Variants in VMP1 observed in about 807,000 individuals in gnomAD.
VMP1 encodes the protein ectopic P-granules autophagy protein 3 homolog.
In VMP1, 11 loss-of-function variants were observed where a neutral mutation model predicts 56.0. The observed-to-expected ratio is 0.20, with a 90% CI of 0.12 to 0.32. The LOEUF is 0.32. Ranked by LOEUF, VMP1 falls within the 10% of genes least tolerant of loss-of-function variation. The pLI, the probability that VMP1 is intolerant of heterozygous loss-of-function variation, is 1.00. For synonymous variants in VMP1, 149 were observed against 165.0 expected (o/e 0.90, Z 0.74); for missense variants, 296 against 490.3 (o/e 0.60, Z 3.74).
intron 5 of VMP1, among the ~76,000 whole-genome samples, chr17:59,744,629 G>GAAA (rs767347544): frequency 1.3e-5 from 1 of 75,564 alleles, no homozygotes; most frequent in Non-Finnish European, 2.8e-5. Context: ...ATCTCTACCA[G>GAAA]AAAAAAAAAA....
At chr17:59,724,847 T>G (rs1429985648) in intron 1 of VMP1, among the ~76,000 whole-genome samples, 1 of 151,842 alleles carries the variant, frequency 6.6e-6, no homozygotes, top group Non-Finnish European at 1.5e-5. Flanking sequence ...GCGCCTGTAG[T>G]CCCAGCTACT....
At chr17:59,794,376 C>A (rs111848007) in intron 7 of VMP1, among the ~76,000 whole-genome samples, 1 of 150,532 alleles carries the variant, frequency 6.6e-6, no homozygotes, top group Non-Finnish European at 1.5e-5. Flanking sequence ...CACGCCACCA[C>A]GCCTGGCTAA....
chr17:59,820,611 C>T (rs2038406463), intron 10 of VMP1, among the ~76,000 whole-genome samples: 1 of 152,194 alleles, frequency 6.6e-6, no homozygotes, highest in Non-Finnish European at 1.5e-5. Context: ...GCAACGTATA[C>T]TACATGCACT....
intron 5 of VMP1, among the ~76,000 whole-genome samples, chr17:59,753,674 C>G (rs2035737101): frequency 6.6e-6 from 1 of 151,936 alleles, no homozygotes; most frequent in Admixed American, 6.5e-5. Context: ...AGCCCCATAT[C>G]CCTTTCAGTT....
At chr17:59,778,558 A>T (rs2036710537) in intron 7 of VMP1, among the ~76,000 whole-genome samples, 1 of 151,414 alleles carries the variant, frequency 6.6e-6, no homozygotes, top group South Asian at 2.1e-4. Context: ...AAAAAAAAAG[A>T]ATAAGGCACT....
chr17:59,756,854 GTC>G (rs1401304978), intron 5 of VMP1, among the ~76,000 whole-genome samples: 1 of 152,110 alleles, frequency 6.6e-6, no homozygotes, highest in East Asian at 1.9e-4. Flanking sequence ...ACAGTATTCT[GTC>G]TCTGGTCTTT....
chr17:59,811,518 C>A, intron 8 of VMP1, 152 bp from the exon 9 acceptor site: 2 of 617,232 alleles, frequency 3.2e-6, no homozygotes, highest in Non-Finnish European at 5.7e-6. Flanking sequence ...GTTTGCCTAA[C>A]CTCCTTTTGA....
intron 9 of VMP1, among the ~76,000 whole-genome samples, chr17:59,813,598 A>G (rs548792250): frequency 3.1e-4 from 47 of 152,076 alleles, no homozygotes; most frequent in Non-Finnish European, 5.6e-4. Flanking sequence ...ATTTAATACC[A>G]TACAGGATTT....
chr17:59,753,362 A>G (rs1210731712), intron 5 of VMP1, among the ~76,000 whole-genome samples: 1 of 152,236 alleles, frequency 6.6e-6, no homozygotes, highest in African/African-American at 2.4e-5. Context: ...TCCCACTAAT[A>G]GAAATATGAT....
intron 7 of VMP1, among the ~76,000 whole-genome samples, chr17:59,791,728 T>C (rs1459745871): frequency 1.3e-5 from 2 of 151,824 alleles, no homozygotes; most frequent in African/African-American, 4.8e-5. Context: ...CCTCCCAAAA[T>C]GCTGGGATTA....
rs1349007653 is a variant in VMP1 at position 59,806,786 on chromosome 17, AAATTAAT to A, written c.715-2004_715-1998del. 3.3e-5 allele frequency among the ~76,000 whole-genome samples: 5 copies of A among 152,228 alleles called. No individual in the cohort carries two copies. The East Asian group carries it at 9.6e-4, about 29-fold the overall frequency. Reference sequence around the variant, plus strand: ...AAAGTAAGTCTAATCCCAAAAAGAAAAATTAATAATTATCTCTTTGGAAATAAATTAT... The same window carrying A: ...AAAGTAAGTCTAATCCCAAAAAGAAAAATTATCTCTTTGGAAATAAATTAT... On this transcript the variant is annotated intron_variant, in intron 7 of 11. Transcript: ENST00000262291.
At chr17:59,796,711 C>CT (rs1238343695) in intron 7 of VMP1, among the ~76,000 whole-genome samples, 1 of 152,164 alleles carries the variant, frequency 6.6e-6, no homozygotes, top group Non-Finnish European at 1.5e-5. Context: ...CGTTTTCTTG[C>CT]TTTAACTTAC....
intron 2 of VMP1, among the ~76,000 whole-genome samples, chr17:59,732,330 C>T (rs1200517655): frequency 6.6e-6 from 1 of 152,170 alleles, no homozygotes; most frequent in Non-Finnish European, 1.5e-5. Context: ...ACTGCAACCT[C>T]CGCCTCCCAG....
chr17:59,832,028 A>C (rs2038823716), intron 10 of VMP1, among the ~76,000 whole-genome samples: 1 of 151,964 alleles, frequency 6.6e-6, no homozygotes, highest in Non-Finnish European at 1.5e-5. Flanking sequence ...GACTACAGGC[A>C]TGCGCCACCA....
chr17:59,728,369 C>A (rs2034689819), intron 1 of VMP1, among the ~76,000 whole-genome samples: 1 of 152,120 alleles, frequency 6.6e-6, no homozygotes, highest in Admixed American at 6.6e-5. Context: ...AATAGGTAAA[C>A]AAACCTTATA....
intron 7 of VMP1, among the ~76,000 whole-genome samples, chr17:59,774,421 AAAAGAAAG>A (rs201444735): frequency 0.19 from 28,200 of 151,270 alleles, 3,186 homozygotes; most frequent in East Asian, 0.43. Context: ...CTAAAAAAAA[AAAAGAAAG>A]AAAGAAAGAA....
chr17:59,753,120 A>G (rs970497604), intron 5 of VMP1, among the ~76,000 whole-genome samples: 1 of 151,884 alleles, frequency 6.6e-6, no homozygotes, highest in Admixed American at 6.6e-5. Context: ...TACGAAAAAA[A>G]TTTTTTAATT....
intron 5 of VMP1, among the ~76,000 whole-genome samples, chr17:59,742,817 C>A (rs966643953): frequency 3.3e-5 from 5 of 152,142 alleles, no homozygotes; most frequent in African/African-American, 1.2e-4. Flanking sequence ...GCATCAGATT[C>A]TCATAGGAGC....
intron 7 of VMP1, among the ~76,000 whole-genome samples, chr17:59,794,845 AT>A (rs1396652389): frequency 6.6e-6 from 1 of 151,778 alleles, no homozygotes; most frequent in Non-Finnish European, 1.5e-5. Context: ...AAGATTAGTA[AT>A]CATAGTGAAA....
Sources: gnomAD v4.1 joint callset for allele counts (sites outside exome capture counted in the v4.1 genomes callset) on GRCh38, gnomAD v4.1.1 for gene constraint, MANE v1.5 for transcripts, NCBI Gene and HGNC (gene_info 2026-07-23, HGNC 2026-07-21) for gene names.